PDE8B: variants seen among roughly 807,000 people sequenced by gnomAD.
PDE8B encodes the protein high affinity cAMP-specific and IBMX-insensitive 3',5'-cyclic phosphodiesterase 8B.
In PDE8B, 26 loss-of-function variants were observed where a neutral mutation model predicts 101.3. The observed-to-expected ratio is 0.26, with a 90% CI of 0.19 to 0.36. The LOEUF is 0.36. Among genes scored for constraint, PDE8B ranks in the 10% least tolerant of loss-of-function variants. The pLI, the probability that PDE8B is intolerant of heterozygous loss-of-function variation, is 1.00. For missense variants in PDE8B, 810 were observed against 1,163.1 expected, an observed-to-expected ratio of 0.70 and a Z score of 4.42; for synonymous variants, 424 against 429.3, an observed-to-expected ratio of 0.99 and a Z score of 0.15.
rs76878087 is a variant in PDE8B, at chr5:77,249,623, A to G, written c.339+38359A>G. Among the ~76,000 whole-genome samples the G allele has an allele frequency of 2.2e-4, 33 of 152,336 alleles. 1 individual carries two copies. In the East Asian group the frequency reaches 6.0e-3, roughly 28 times the overall value. ...CTGACAGCATTTTCTGAAGTAATGG[A>G]TGTCTCAAAAATGTGTGGGATGCAA... is the stretch of plus-strand genomic sequence containing the variant. On this transcript the variant is annotated intron_variant, in intron 1 of 21. Coordinates refer to ENST00000264917, the MANE Select transcript of PDE8B (RefSeq NM_003719.5).
At chr5:77,377,153 A>G (rs1302189336) in intron 10 of PDE8B, among the ~76,000 whole-genome samples, 1 of 152,216 alleles carries the variant, frequency 6.6e-6, no homozygotes, top group Non-Finnish European at 1.5e-5. Context: ...AGAGCACCCC[A>G]CATATGCTCA....
At chr5:77,279,640 C>G (rs1253472493) in intron 1 of PDE8B, among the ~76,000 whole-genome samples, 1 of 152,156 alleles carries the variant, frequency 6.6e-6, no homozygotes, top group African/African-American at 2.4e-5. Context: ...GTATTAGTAT[C>G]CACATTTTAC....
chr5:77,155,826 C>A, the PDE8B span, among the ~76,000 whole-genome samples: 2 of 152,046 alleles, frequency 1.3e-5, no homozygotes, highest in African/African-American at 4.8e-5. Context: ...CTTGCTATAC[C>A]ACTAGGCTGG....
chr5:77,261,412 T>A (rs796827058), intron 1 of PDE8B, among the ~76,000 whole-genome samples: 1 of 152,196 alleles, frequency 6.6e-6, no homozygotes, highest in South Asian at 2.1e-4. Flanking sequence ...TTAACCAAGA[T>A]GAAATTAAAC....
chr5:77,092,821 G>C, the PDE8B span, among the ~76,000 whole-genome samples: 1 of 152,194 alleles, frequency 6.6e-6, no homozygotes, highest in Non-Finnish European at 1.5e-5. Context: ...TCAGGAGGCT[G>C]AGGTGGGAGC....
At chr5:77,400,891 T>A (rs1256680340) in intron 11 of PDE8B, among the ~76,000 whole-genome samples, 1 of 152,204 alleles carries the variant, frequency 6.6e-6, no homozygotes, top group Admixed American at 6.5e-5. Flanking sequence ...ATCAGTCTGC[T>A]ACCAAGAAGT....
rs563187225 is a variant in PDE8B, at chr5:77,310,362, G to A, written c.340-1632G>A. On this transcript the variant is annotated intron_variant, in intron 1 of 21. Coordinates refer to ENST00000264917, the MANE Select transcript of PDE8B (RefSeq NM_003719.5). ...AGTGGAGCTGGGTGAAGGGCTGGCA[G>A]CCCAGTGACGCAGCAGGTTCTGGTG... Among the ~76,000 whole-genome samples, 85 of 152,348 alleles carry A rather than the reference G, an allele frequency of 5.6e-4. 1 individual carries two copies. The highest frequency in any genetic ancestry group is 1.9e-3 in the African/African-American group (77 of 41,576).
intron 1 of PDE8B, among the ~76,000 whole-genome samples, chr5:77,246,334 G>A (rs908248570): frequency 1.3e-5 from 2 of 152,202 alleles, no homozygotes; most frequent in Non-Finnish European, 2.9e-5. Flanking sequence ...GGACAGTTAG[G>A]TTGTTCGTGG....
chr5:77,421,810 CTG>C lies in PDE8B; in HGVS notation c.2251-9_2251-8del, dbSNP rs1217107433. Reference sequence around the variant, plus strand: ...CTTGAACCAAGCCTGATCTGACCATCTGTTTTCCAGATTGAAGGCAGCGACTG... The same window carrying C: ...CTTGAACCAAGCCTGATCTGACCATCTTTTCCAGATTGAAGGCAGCGACTG... On this transcript the variant is annotated splice_polypyrimidine_tract_variant and intron_variant, in intron 19 of 21. Transcript: ENST00000264917. The C allele has an allele frequency of 6.2e-7, 1 of 1,613,660 alleles. No homozygotes were observed. Among genetic ancestry groups the C allele is most frequent in the African/African-American group, 1.3e-5 (1 of 74,940 alleles).
chr5:77,260,808 G>A (rs1760425928), intron 1 of PDE8B, among the ~76,000 whole-genome samples: 1 of 151,822 alleles, frequency 6.6e-6, no homozygotes, highest in South Asian at 2.1e-4. Context: ...TGGCCAGGCT[G>A]GTCTTGAACT....
intron 1 of PDE8B, among the ~76,000 whole-genome samples, chr5:77,294,872 T>C (rs1768173600): frequency 6.7e-6 from 1 of 148,182 alleles, no homozygotes; most frequent in Non-Finnish European, 1.5e-5. Flanking sequence ...ATGATATATA[T>C]AATATATATT....
chr5:77,399,073 A>G (rs933436937), intron 10 of PDE8B, among the ~76,000 whole-genome samples: 1 of 152,244 alleles, frequency 6.6e-6, no homozygotes, highest in African/African-American at 2.4e-5. Flanking sequence ...TCCCTGTTCC[A>G]TTACCCACAG....
At chr5:77,189,518 T>C in the PDE8B span, among the ~76,000 whole-genome samples, 2 of 152,220 alleles carry the variant, frequency 1.3e-5, no homozygotes, top group Non-Finnish European at 2.9e-5. Flanking sequence ...ATGTAATATC[T>C]GAGCTGAAGC....
intron 2 of PDE8B, among the ~76,000 whole-genome samples, chr5:77,312,981 C>G (rs1053149629): frequency 6.6e-6 from 1 of 152,174 alleles, no homozygotes; most frequent in Non-Finnish European, 1.5e-5. Flanking sequence ...CCCGTGCCCC[C>G]TTAAGAGAAA....
At chr5:77,266,276 C>T (rs902820854) in intron 1 of PDE8B, among the ~76,000 whole-genome samples, 31 of 152,178 alleles carry the variant, frequency 2.0e-4, no homozygotes, top group Admixed American at 1.4e-3. Context: ...CAGCTGAGAT[C>T]GAACAAGGGG....
At chr5:77,115,649 T>C in the PDE8B span, among the ~76,000 whole-genome samples, 1 of 152,308 alleles carries the variant, frequency 6.6e-6, no homozygotes, top group Non-Finnish European at 1.5e-5. Flanking sequence ...CTGAAGGACC[T>C]GAGGATGATC....
intron 10 of PDE8B, among the ~76,000 whole-genome samples, chr5:77,396,773 A>G (rs992010428): frequency 6.6e-6 from 1 of 152,134 alleles, no homozygotes; most frequent in Non-Finnish European, 1.5e-5. Flanking sequence ...ATCAAAACAC[A>G]TCTTTCTTTC....
the PDE8B span, among the ~76,000 whole-genome samples, chr5:77,090,406 G>C: frequency 6.6e-6 from 1 of 151,952 alleles, no homozygotes; most frequent in Admixed American, 6.6e-5. Context: ...CTGGGACTAA[G>C]GGAACTACAG....
At chr5:77,135,057 A>T in the PDE8B span, among the ~76,000 whole-genome samples, 17 of 152,198 alleles carry the variant, frequency 1.1e-4, no homozygotes, top group Admixed American at 8.5e-4. Context: ...ACTGAATAAG[A>T]TGAGGACAGT....
Sources: gnomAD v4.1 joint callset for allele counts (sites outside exome capture counted in the v4.1 genomes callset) on GRCh38, gnomAD v4.1.1 for gene constraint, MANE v1.5 for transcripts, NCBI Gene and HGNC (gene_info 2026-07-23, HGNC 2026-07-21) for gene names.